IL10RB: variants seen among roughly 807,000 people sequenced by gnomAD.
IL10RB encodes interleukin-10 receptor subunit beta.
IL10RB carries 30 observed loss-of-function variants against 38.7 expected under a neutral mutation model. That is an observed-to-expected ratio of 0.78 (90% CI 0.58 to 1.05). The LOEUF is 1.05. IL10RB is among the 50% of genes least tolerant of loss of function. IL10RB has a pLI of 0.00. For synonymous variants in IL10RB, 142 were observed against 145.9 expected (o/e 0.97, Z 0.19); for missense variants, 328 against 397.1 (o/e 0.83, Z 1.48).
At position 33,289,987 on chromosome 21, in the gene IL10RB, G is replaced by A. The variant is rs539416311; in HGVS notation, c.804+1726G>A. Among the ~76,000 whole-genome samples the A allele has an allele frequency of 1.2e-4, 19 of 152,124 alleles. No homozygotes were observed. In the East Asian group the frequency reaches 2.3e-3, roughly 19 times the overall value. ...AAATTAGCCAGGCGTGGTGGCGGGC[G>A]CCTGTAGTCCCAGCTCCTCGGGAGG... On this transcript the variant is annotated intron_variant, in intron 6 of 6. Coordinates refer to ENST00000290200, the MANE Select transcript of IL10RB (RefSeq NM_000628.5).
intron 2 of IL10RB, among the ~76,000 whole-genome samples, chr21:33,274,429 C>T (rs987855902): frequency 6.6e-6 from 1 of 152,114 alleles, no homozygotes; most frequent in African/African-American, 2.4e-5. Context: ...CCGCCTTGGC[C>T]TCCCAAAGTG....
intron 1 of IL10RB, among the ~76,000 whole-genome samples, chr21:33,267,281 G>T (rs1399787620): frequency 6.6e-6 from 1 of 151,798 alleles, no homozygotes; most frequent in African/African-American, 2.4e-5. Flanking sequence ...TGATGCCCAA[G>T]GCCTTTTCTC....
chr21:33,286,980 T>C (rs1482552452), intron 5 of IL10RB, among the ~76,000 whole-genome samples: 1 of 152,138 alleles, frequency 6.6e-6, no homozygotes, highest in Non-Finnish European at 1.5e-5. Context: ...CGTGAGGCCC[T>C]CTGTGTCTGT....
At chr21:33,273,879 T>C (rs1355180507) in intron 2 of IL10RB, among the ~76,000 whole-genome samples, 2 of 152,248 alleles carry the variant, frequency 1.3e-5, no homozygotes, top group East Asian at 3.8e-4. Flanking sequence ...AGCAATTCAG[T>C]CGCATCTTCG....
chr21:33,286,947 C>T (rs1166531811), intron 5 of IL10RB, among the ~76,000 whole-genome samples: 1 of 152,002 alleles, frequency 6.6e-6, no homozygotes, highest in Non-Finnish European at 1.5e-5. Flanking sequence ...AATTTTAAAT[C>T]AGCTAAGGGG....
At chr21:33,286,173 A>T (rs913710943) in intron 5 of IL10RB, among the ~76,000 whole-genome samples, 5 of 152,182 alleles carry the variant, frequency 3.3e-5, no homozygotes, top group African/African-American at 1.2e-4. Context: ...TCAGACGTTT[A>T]AGGAGTGTGC....
chr21:33,299,818 A>G (rs745516697), downstream of IL10RB, among the ~76,000 whole-genome samples: 3 of 152,226 alleles, frequency 2.0e-5, no homozygotes, highest in Non-Finnish European at 4.4e-5. Context: ...CAGAGCAGTT[A>G]TGATAGATTG....
chr21:33,285,492 T>A (rs1989356711), intron 5 of IL10RB, among the ~76,000 whole-genome samples: 1 of 152,116 alleles, frequency 6.6e-6, no homozygotes, highest in Admixed American at 6.6e-5. Context: ...CTCCCACAGT[T>A]CACAACCTAT....
chr21:33,309,151 TG>T (rs1474999557), exon 2 of IL10RB: 1 of 152,196 alleles, frequency 6.6e-6, no homozygotes, highest in Non-Finnish European at 1.5e-5. Context: ...AAAGTGCAGC[TG>T]TTCATCATTA....
chr21:33,297,430 TA>T (rs547883241), downstream of IL10RB, among the ~76,000 whole-genome samples: 4,454 of 142,074 alleles, frequency 0.031, 106 homozygotes, highest in Middle Eastern at 0.094. Context: ...GATCCGTTAT[TA>T]AAAAAAAAAA....
intron 5 of IL10RB, among the ~76,000 whole-genome samples, chr21:33,286,779 G>A (rs1443839954): frequency 6.6e-6 from 1 of 152,092 alleles, no homozygotes; most frequent in East Asian, 1.9e-4. Context: ...CTTGAGTCCT[G>A]GAAGTCAAGG....
intron 3 of IL10RB, among the ~76,000 whole-genome samples, chr21:33,277,668 C>CTTTTT (rs1216043179): frequency 2.0e-3 from 186 of 92,944 alleles, no homozygotes; most frequent in African/African-American, 2.6e-3. Context: ...TTCTTTCTTT[C>CTTTTT]TTTTTTTTTT....
At chr21:33,299,358 A>G (rs1206863038), downstream of IL10RB, among the ~76,000 whole-genome samples, 3 of 152,308 alleles carry the variant, frequency 2.0e-5, no homozygotes, top group East Asian at 5.8e-4. Flanking sequence ...CTGGGACCAG[A>G]AGGGGTTTCA....
At chr21:33,298,207 C>T (rs1483499575), downstream of IL10RB, among the ~76,000 whole-genome samples, 10 of 152,190 alleles carry the variant, frequency 6.6e-5, no homozygotes, top group South Asian at 8.3e-4. Flanking sequence ...CATCAAGACT[C>T]GCATTTTACC....
chr21:33,277,757 C>T (rs370703991), intron 3 of IL10RB, among the ~76,000 whole-genome samples: 1 of 147,136 alleles, frequency 6.8e-6, no homozygotes, highest in Non-Finnish European at 1.5e-5. Flanking sequence ...CTGCAAACTG[C>T]CTCCAGGGTT....
intron 4 of IL10RB, among the ~76,000 whole-genome samples, 165 bp downstream of exon 4, chr21:33,280,083 A>T (rs758064231): frequency 1.3e-5 from 2 of 152,214 alleles, no homozygotes; most frequent in Non-Finnish European, 2.9e-5. Context: ...CCTAAGGGAT[A>T]TGTGTAGAGC....
chr21:33,294,979 G>T (rs186346143), intron 6 of IL10RB, among the ~76,000 whole-genome samples: 18 of 152,332 alleles, frequency 1.2e-4, no homozygotes, highest in African/African-American at 4.3e-4. Flanking sequence ...AGAAGAGTTG[G>T]TGTCTATTAA....
At chr21:33,304,616 T>A (rs1315973091) in intron 1 of IL10RB, among the ~76,000 whole-genome samples, 1 of 152,204 alleles carries the variant, frequency 6.6e-6, no homozygotes, top group Non-Finnish European at 1.5e-5. Context: ...GCCCCCTACC[T>A]TTGAGCATGC....
intron 4 of IL10RB, among the ~76,000 whole-genome samples, chr21:33,280,478 A>G (rs1989260323): frequency 6.6e-6 from 1 of 152,228 alleles, no homozygotes; most frequent in African/African-American, 2.4e-5. Flanking sequence ...AACAAGGATA[A>G]TAACCTACTT....
Sources: gnomAD v4.1 joint callset for allele counts (sites outside exome capture counted in the v4.1 genomes callset) on GRCh38, gnomAD v4.1.1 for gene constraint, MANE v1.5 for transcripts, NCBI Gene and HGNC (gene_info 2026-07-23, HGNC 2026-07-21) for gene names.